The following BAZ2B variants were observed in gnomAD, a reference collection of about 807,000 sequenced individuals.
The protein encoded by BAZ2B is bromodomain adjacent to zinc finger domain protein 2B.
A neutral mutation model predicts 246.0 loss-of-function variants in BAZ2B; 91 were observed. The ratio of observed to expected loss-of-function variants is 0.37; its 90% CI spans 0.31 to 0.44. BAZ2B has a LOEUF of 0.44. Ranked by LOEUF, BAZ2B falls within the 20% of genes least tolerant of loss-of-function variation. The probability of loss-of-function intolerance (pLI) is 1.00; values close to 1 mark genes in which losing one functional copy is unlikely to be tolerated. For missense variants in BAZ2B, 2,332 were observed against 2,533.7 expected (o/e 0.92, Z 1.71); for synonymous variants, 855 against 860.0 (o/e 0.99, Z 0.10).
rs1400638331 is a variant in BAZ2B, at chr2:159,438,954, A to G, written c.900+55T>C. 2.6e-6 allele frequency: 4 copies of G among 1,536,124 alleles called. No homozygotes were observed. In the Admixed American group the frequency reaches 5.2e-5, roughly 20 times the overall value. ...CAGACTTTGAGAGTCAAGATAAACC[A>G]GTTAATTCCTAAATATGAATAATGT... On this transcript the variant is annotated intron_variant, in intron 7 of 36. Coordinates refer to ENST00000392783, the MANE Select transcript of BAZ2B (RefSeq NM_013450.4).
intron 27 of BAZ2B, among the ~76,000 whole-genome samples, chr2:159,360,887 T>C (rs1003770254): frequency 1.3e-5 from 2 of 152,230 alleles, no homozygotes; most frequent in Admixed American, 6.5e-5. Context: ...TTGGGAAAAC[T>C]GGCTAGTCAT....
chr2:159,652,774 T>C, the BAZ2B span, among the ~76,000 whole-genome samples: 78 of 151,780 alleles, frequency 5.1e-4, no homozygotes, highest in East Asian at 3.7e-3. Context: ...TGTGGTACCA[T>C]GCCTGGCTAA....
intron 3 of BAZ2B, among the ~76,000 whole-genome samples, chr2:159,454,460 G>T (rs1458015491): frequency 1.3e-5 from 2 of 152,158 alleles, no homozygotes; most frequent in African/African-American, 4.8e-5. Context: ...ATTGCTACTA[G>T]GCTACAAACC....
intron 2 of BAZ2B, among the ~76,000 whole-genome samples, chr2:159,544,353 T>C (rs1355050407): frequency 6.6e-6 from 1 of 152,198 alleles, no homozygotes. Context: ...TTAGCTCTTA[T>C]TGTTACAATG....
the BAZ2B span, among the ~76,000 whole-genome samples, chr2:159,631,187 C>T: frequency 7.3e-5 from 11 of 151,120 alleles, no homozygotes; most frequent in African/African-American, 2.7e-4. Context: ...CAAAGCAAGA[C>T]CCTGTCAAAA....
intron 27 of BAZ2B, among the ~76,000 whole-genome samples, chr2:159,366,477 C>CTG (rs1402926317): frequency 1.1e-4 from 17 of 152,192 alleles, no homozygotes; most frequent in Non-Finnish European, 4.4e-5. Context: ...AGACACTGGT[C>CTG]ACTTTTCCAG....
chr2:159,401,714 T>G (rs2065100414), intron 16 of BAZ2B, among the ~76,000 whole-genome samples: 1 of 152,176 alleles, frequency 6.6e-6, no homozygotes, highest in African/African-American at 2.4e-5. Flanking sequence ...TTAGTGATCA[T>G]ATAAATTTTG....
intron 2 of BAZ2B, among the ~76,000 whole-genome samples, chr2:159,551,425 C>T (rs1399577593): frequency 2.9e-5 from 4 of 135,974 alleles, no homozygotes; most frequent in African/African-American, 8.5e-5. Context: ...GCCAAGACTA[C>T]ACCACTGCAC....
chr2:159,564,545 T>C (rs915206432), intron 1 of BAZ2B, among the ~76,000 whole-genome samples: 3 of 152,128 alleles, frequency 2.0e-5, no homozygotes, highest in African/African-American at 4.8e-5. Flanking sequence ...GGTAGCCATA[T>C]TGGTGGTGAA....
rs192555678 is a variant in BAZ2B at position 159,435,793 on chromosome 2, A to G, written c.1294-2430T>C. On this transcript the variant is annotated intron_variant, in intron 8 of 36. Coordinates refer to ENST00000392783, the MANE Select transcript of BAZ2B (RefSeq NM_013450.4). Reference sequence around the variant, plus strand: ...GCGAGAGCCACCGCACTCAGCCTGAAATACTTATTAAATATTTTAAAGCAG... The same window carrying G: ...GCGAGAGCCACCGCACTCAGCCTGAGATACTTATTAAATATTTTAAAGCAG... 2.1e-3 allele frequency among the ~76,000 whole-genome samples: 316 copies of G among 152,330 alleles called. 3 individuals are homozygous for G. The highest frequency in any genetic ancestry group is 0.014 in the South Asian group (69 of 4,824).
chr2:159,619,643 AT>A (rs1400986366), upstream of BAZ2B, among the ~76,000 whole-genome samples: 2 of 151,734 alleles, frequency 1.3e-5, no homozygotes, highest in Non-Finnish European at 3.0e-5. Flanking sequence ...TTTAATCTGT[AT>A]TTTTAAACTG....
chr2:159,497,489 G>A (rs972392642), intron 2 of BAZ2B, among the ~76,000 whole-genome samples: 1 of 152,100 alleles, frequency 6.6e-6, no homozygotes, highest in Non-Finnish European at 1.5e-5. Context: ...CCATTCCTGT[G>A]GTCAAAGCTG....
At chr2:159,380,833 ACT>A (rs2061917975) in intron 25 of BAZ2B, among the ~76,000 whole-genome samples, 1 of 151,872 alleles carries the variant, frequency 6.6e-6, no homozygotes, top group South Asian at 2.1e-4. Flanking sequence ...GTCCTGTGTG[ACT>A]CTGCTGGGAG....
chr2:159,497,589 C>A (rs889195326), intron 2 of BAZ2B, among the ~76,000 whole-genome samples: 3 of 151,716 alleles, frequency 2.0e-5, no homozygotes, highest in African/African-American at 4.9e-5. Flanking sequence ...TAATCAGATT[C>A]TTTCTGATAT....
chr2:159,545,187 C>T (rs2087164055), intron 2 of BAZ2B, among the ~76,000 whole-genome samples: 1 of 152,180 alleles, frequency 6.6e-6, no homozygotes, highest in Non-Finnish European at 1.5e-5. Flanking sequence ...CATATCACTT[C>T]CCAGTCCCTT....
chr2:159,708,629 A>C, the BAZ2B span, among the ~76,000 whole-genome samples: 29 of 151,546 alleles, frequency 1.9e-4, no homozygotes, highest in Non-Finnish European at 4.3e-4. Context: ...GCCTGAATGC[A>C]GTGGCATGAT....
At chr2:159,614,083 T>C (rs914777967) in intron 1 of BAZ2B, among the ~76,000 whole-genome samples, 2 of 152,300 alleles carry the variant, frequency 1.3e-5, no homozygotes, top group Non-Finnish European at 1.5e-5. Flanking sequence ...CATGTCCTTG[T>C]TAGAAGAGAT....
At chr2:159,504,503 T>C (rs757878750) in intron 2 of BAZ2B, among the ~76,000 whole-genome samples, 21 of 152,160 alleles carry the variant, frequency 1.4e-4, no homozygotes, top group Non-Finnish European at 3.1e-4. Context: ...TCTGTCCAGA[T>C]TGAACCTTAA....
chr2:159,570,177 T>G (rs984345238), intron 1 of BAZ2B, among the ~76,000 whole-genome samples: 25 of 102,114 alleles, frequency 2.4e-4, no homozygotes, highest in African/African-American at 1.0e-3. Flanking sequence ...TTAAAGTTTT[T>G]TTTTGTTTTT....
Sources: allele counts gnomAD v4.1 joint callset (sites outside exome capture counted in the v4.1 genomes callset), GRCh38; gene constraint gnomAD v4.1.1; transcripts MANE v1.5; gene names NCBI Gene and HGNC (gene_info 2026-07-23, HGNC 2026-07-21).